The following PTPRZ1 variants were observed in gnomAD, a reference collection of about 807,000 sequenced individuals.
PTPRZ1 encodes the protein receptor-type tyrosine-protein phosphatase zeta.
A neutral mutation model predicts 214.1 loss-of-function variants in PTPRZ1; 82 were observed. The ratio of observed to expected loss-of-function variants is 0.38; its 90% CI spans 0.32 to 0.46. PTPRZ1 has a LOEUF of 0.46. Ranked by LOEUF, PTPRZ1 falls within the 20% of genes least tolerant of loss-of-function variation. PTPRZ1 has a pLI of 1.00. For synonymous variants in PTPRZ1, 945 were observed against 987.9 expected (o/e 0.96, Z 0.81); for missense variants, 2,603 against 2,748.7 (o/e 0.95, Z 1.19).
At chr7:122,038,060 G>A (rs780207923) in intron 18 of PTPRZ1, among the ~76,000 whole-genome samples, 2 of 152,142 alleles carry the variant, frequency 1.3e-5, no homozygotes, top group Non-Finnish European at 2.9e-5. Flanking sequence ...AAGGAGGAAA[G>A]CCCTTTTTAT....
chr7:121,913,028 C>A (rs1379746920), intron 1 of PTPRZ1, among the ~76,000 whole-genome samples: 1 of 152,148 alleles, frequency 6.6e-6, no homozygotes, highest in Non-Finnish European at 1.5e-5. Flanking sequence ...GTTGAATATG[C>A]AGCAGGGAGC....
Position 121,873,167 on chromosome 7 carries a change from C to G in PTPRZ1, c.-333C>G. 2.4e-6 allele frequency: 1 copy of G among 413,590 alleles called. No homozygotes were observed. Among genetic ancestry groups the G allele is most frequent in the Admixed American group, 4.2e-5 (1 of 23,674 alleles). 25.6% of individuals were successfully genotyped at this position (413,590 alleles called of 1,614,324 possible). ...CGCTGCTCTCGGAGCGCTCAGACCG[C>G]GGCCGCCGCAGCCGGCGAAAGAGGC... On this transcript the variant is annotated 5_prime_UTR_variant, in exon 1 of 30. Transcript: ENST00000393386.
intron 3 of PTPRZ1, among the ~76,000 whole-genome samples, chr7:121,971,549 C>G (rs956765150): frequency 1.3e-5 from 2 of 152,192 alleles, no homozygotes; most frequent in Non-Finnish European, 2.9e-5. Flanking sequence ...AGTGGGGAAC[C>G]TTTGAGCAAC....
At chr7:122,027,542 T>C (rs778992890) in intron 13 of PTPRZ1, among the ~76,000 whole-genome samples, 10 of 152,168 alleles carry the variant, frequency 6.6e-5, no homozygotes, top group African/African-American at 2.4e-4. Flanking sequence ...AAGGTTTAGA[T>C]GGAAAGTGAG....
Position 122,012,233 on chromosome 7 carries a change from G to C in PTPRZ1, c.3187G>C (p.Val1063Leu). The C allele has an allele frequency of 6.2e-7, 1 of 1,613,904 alleles. No individual in the cohort carries two copies. ...GCAAATTCCTTCTTTCAATGAGATG[G>C]TTTACCCTTCTGAAAGCACAGTCAT... Reference protein sequence around the residue: ...ELQIPSFNEMVYPSESTVMPN... With the variant: ...ELQIPSFNEMLYPSESTVMPN... The change falls in exon 12 of 30, where the codon GTT (valine) becomes CTT (leucine). Residue 1063 changes from valine (V) to leucine (L), a missense_variant. Coordinates refer to ENST00000393386, the MANE Select transcript of PTPRZ1 (RefSeq NM_002851.3).
rs536205461 is a variant in PTPRZ1, at chr7:122,029,147, G to A, written c.5080+504G>A. On this transcript the variant is annotated intron_variant, in intron 14 of 29. Coordinates refer to ENST00000393386, the MANE Select transcript of PTPRZ1 (RefSeq NM_002851.3). ...AGAAAAGATCTATAAAATTGTGGTG[G>A]TAATAGCAGGAAAAGCCATGAACAC... 3.3e-5 allele frequency among the ~76,000 whole-genome samples: 5 copies of A among 151,638 alleles called. No individual in the cohort carries two copies. In the South Asian group the frequency reaches 1.0e-3, roughly 32 times the overall value.
intron 1 of PTPRZ1, among the ~76,000 whole-genome samples, chr7:121,924,430 A>G (rs1052352671): frequency 7.9e-5 from 12 of 152,178 alleles, no homozygotes; most frequent in African/African-American, 1.2e-4. Flanking sequence ...CCCAAGCACT[A>G]TGTAATTAGC....
intron 27 of PTPRZ1, 30 bp from the exon 28 acceptor site, chr7:122,058,770 C>G (rs1792463069): frequency 1.3e-6 from 2 of 1,568,604 alleles, no homozygotes; most frequent in Non-Finnish European, 1.7e-6. Flanking sequence ...CTGTCACTAA[C>G]TAACATTACT....
chr7:121,896,207 C>A (rs1447826714), intron 1 of PTPRZ1, among the ~76,000 whole-genome samples: 1 of 152,142 alleles, frequency 6.6e-6, no homozygotes, highest in Non-Finnish European at 1.5e-5. Flanking sequence ...AACTTGAAAT[C>A]TACCTTCTTA....
At chr7:121,989,053 A>G (rs1797856853) in intron 8 of PTPRZ1, among the ~76,000 whole-genome samples, 1 of 152,200 alleles carries the variant, frequency 6.6e-6, no homozygotes. Flanking sequence ...TACATTCTTC[A>G]TTTTGACTCT....
chr7:122,052,308 C>T (rs1444785494), intron 25 of PTPRZ1, among the ~76,000 whole-genome samples: 1 of 152,198 alleles, frequency 6.6e-6, no homozygotes, highest in Non-Finnish European at 1.5e-5. Context: ...ACCTCACTGA[C>T]ATCACTACTT....
At position 121,909,840 on chromosome 7, in the gene PTPRZ1, T is replaced by C. The variant is rs546578706; in HGVS notation, c.59-18316T>C. ...ATTACAGAAGAGATAGCTGAAAGAA[T>C]TGAAAATGTGACCTGTGGGACACTG... is the stretch of plus-strand genomic sequence containing the variant. On this transcript the variant is annotated intron_variant, in intron 1 of 29. Transcript: ENST00000393386. 2.8e-4 allele frequency among the ~76,000 whole-genome samples: 43 copies of C among 152,254 alleles called. No homozygotes were observed. The South Asian group carries it at 8.5e-3, about 30-fold the overall frequency.
intron 23 of PTPRZ1, among the ~76,000 whole-genome samples, chr7:122,048,503 T>A (rs1792069263): frequency 6.6e-6 from 1 of 152,166 alleles, no homozygotes; most frequent in Non-Finnish European, 1.5e-5. Context: ...ATTGGATTGT[T>A]TGTAACACAA....
chr7:121,891,021 A>C (rs1794584815), intron 1 of PTPRZ1, among the ~76,000 whole-genome samples: 1 of 149,034 alleles, frequency 6.7e-6, no homozygotes. Flanking sequence ...CTCTCCCCTC[A>C]CTCCCCTCTT....
At chr7:122,052,073 G>A in intron 25 of PTPRZ1, 134 bp downstream of exon 25, 1 of 630,270 alleles carries the variant, frequency 1.6e-6, no homozygotes, top group Non-Finnish European at 2.7e-6. Flanking sequence ...TTGACTGCAA[G>A]CCCACAGTCC....
chr7:121,982,735 A>G (rs1232044808), intron 6 of PTPRZ1, among the ~76,000 whole-genome samples: 1 of 151,710 alleles, frequency 6.6e-6, no homozygotes, highest in Non-Finnish European at 1.5e-5. Context: ...GACTTTGCTA[A>G]TTTCACTTAT....
chr7:121,973,398 T>C (rs2116532112), intron 4 of PTPRZ1, among the ~76,000 whole-genome samples: 1 of 152,276 alleles, frequency 6.6e-6, no homozygotes, highest in East Asian at 1.9e-4. Flanking sequence ...ACCAGTATTA[T>C]TTTTGCAATT....
At chr7:121,980,972 C>T (rs1475724720) in intron 6 of PTPRZ1, among the ~76,000 whole-genome samples, 1 of 151,938 alleles carries the variant, frequency 6.6e-6, no homozygotes, top group African/African-American at 2.4e-5. Flanking sequence ...GAAACCCCGT[C>T]TCTACTAAAA....
intron 1 of PTPRZ1, among the ~76,000 whole-genome samples, chr7:121,903,070 G>A (rs1171519199): frequency 6.6e-6 from 1 of 152,116 alleles, no homozygotes; most frequent in Non-Finnish European, 1.5e-5. Flanking sequence ...CATGCACTGG[G>A]CTGACTGCTG....
Sources: gnomAD v4.1 joint callset for allele counts (sites outside exome capture counted in the v4.1 genomes callset) on GRCh38, gnomAD v4.1.1 for gene constraint, MANE v1.5 for transcripts, NCBI Gene and HGNC (gene_info 2026-07-23, HGNC 2026-07-21) for gene names.